Variants in TESMIN observed in about 807,000 individuals in gnomAD.
TESMIN encodes testis expressed metallothionein like protein.
TESMIN carries 34 observed loss-of-function variants against 47.4 expected under a neutral mutation model. That is an observed-to-expected ratio of 0.72 (90% CI 0.55 to 0.96). TESMIN has a LOEUF of 0.96. TESMIN is among the 40% of genes least tolerant of loss of function. TESMIN has a pLI of 0.00. For synonymous variants in TESMIN, 278 were observed against 258.9 expected (o/e 1.07, Z -0.71); for missense variants, 610 against 637.2 (o/e 0.96, Z 0.46).
At position 68,750,687 on chromosome 11, in the gene TESMIN, G is replaced by T; in HGVS notation, c.-27C>A. The stretch of plus-strand genomic sequence containing the variant: ...GCGCAGGGCGGCGGGGCGGGATGGC[G>T]GGGGCCGCGCACCTGCAACACGCGG... On this transcript the variant is annotated 5_prime_UTR_variant, in exon 2 of 10. Coordinates refer to ENST00000255087, the MANE Select transcript of TESMIN (RefSeq NM_004923.3). 1 of 1,441,052 alleles carries T rather than the reference G, an allele frequency of 6.9e-7. No homozygotes were observed. Among genetic ancestry groups the T allele is most frequent in the Non-Finnish European group, 9.2e-7 (1 of 1,091,624 alleles). The allele number at this position is 1,441,052 out of a possible 1,614,324, so 89.3% of individuals were successfully genotyped here.
chr11:68,713,988 C>T (rs554151923), intron 7 of TESMIN, among the ~76,000 whole-genome samples: 34 of 152,300 alleles, frequency 2.2e-4, no homozygotes, highest in Non-Finnish European at 4.0e-4. Flanking sequence ...AGGTCTCAAC[C>T]GCTGGGCCAT....
intron 2 of TESMIN, among the ~76,000 whole-genome samples, chr11:68,749,198 T>C (rs1025181902): frequency 2.6e-5 from 4 of 152,218 alleles, no homozygotes; most frequent in South Asian, 2.1e-4. Flanking sequence ...CTGGGGGAAC[T>C]GGTGAGCTCT....
chr11:68,721,957 A>G (rs1308524290), intron 6 of TESMIN, among the ~76,000 whole-genome samples: 13 of 152,212 alleles, frequency 8.5e-5, no homozygotes, highest in Non-Finnish European at 1.5e-5. Context: ...ATGATCCAGC[A>G]ATTCCACTTC....
rs550622152 is a variant in TESMIN, at chr11:68,747,556, G to A, written c.472-190C>T. Among the ~76,000 whole-genome samples the A allele has an allele frequency of 1.5e-3, 230 of 152,268 alleles. 1 individual carries two copies. The highest frequency in any genetic ancestry group is 2.4e-3 in the Non-Finnish European group (163 of 68,022). On this transcript the variant is annotated intron_variant, in intron 2 of 9. Coordinates refer to ENST00000255087, the MANE Select transcript of TESMIN (RefSeq NM_004923.3). ...GGAGAACTGCTTGAACCTGGGAGGC[G>A]GAGGTTGCTGTGAGCTGAGACAGTG...
At chr11:68,710,738 G>T in intron 9 of TESMIN, 136 bp downstream of exon 9, 2 of 816,172 alleles carry the variant, frequency 2.5e-6, no homozygotes, top group Non-Finnish European at 3.7e-6. Context: ...AGGGAGGAAC[G>T]ACTTCCCTCT....
chr11:68,750,396 C>A lies in TESMIN; in HGVS notation c.265G>T (p.Asp89Tyr). The A allele has an allele frequency of 6.6e-7, 1 of 1,516,602 alleles. No homozygotes were observed. Among genetic ancestry groups the A allele is most frequent in the Non-Finnish European group, 8.9e-7 (1 of 1,127,850 alleles). The allele number at this position is 1,516,602 out of a possible 1,614,324, so 93.9% of individuals were successfully genotyped here. A position where few individuals can be genotyped will look rare whatever the true frequency, so the allele number is the denominator to read the frequency against. ...VKAKLAGGDS[D>Y]GGELLGEYPG... ...TACTCCCCGAGGAGCTCCCCGCCGT[C>A]GCTGTCGCCCCCCGCGAGCTTCGCC... Residue 89 changes from aspartate to tyrosine, a missense_variant, in exon 2 of 10, where the codon GAC becomes TAC. Physicochemically the swap from Asp to Tyr is radical, Grantham distance 160. Transcript: ENST00000255087.
chr11:68,746,354 G>C (rs184240733), intron 3 of TESMIN, among the ~76,000 whole-genome samples: 1 of 152,026 alleles, frequency 6.6e-6, no homozygotes, highest in African/African-American at 2.4e-5. Context: ...CTGCTTTTAG[G>C]GTCCTAGAAA....
chr11:68,708,009 G>C lies in TESMIN; in HGVS notation c.*299C>G, dbSNP rs1946016537. On this transcript the variant is annotated 3_prime_UTR_variant, in exon 10 of 10. Coordinates refer to ENST00000255087, the MANE Select transcript of TESMIN (RefSeq NM_004923.3). ...CCCCGCTCTGCCCTTCGCAGGGCCTGCTGTGCCCTCCCCTGCCCTGCTCTG... is the reference window on the plus strand; with the variant it reads ...CCCCGCTCTGCCCTTCGCAGGGCCTCCTGTGCCCTCCCCTGCCCTGCTCTG... 2.2e-6 allele frequency: 1 copy of C among 450,586 alleles called. No homozygotes were observed. Among genetic ancestry groups the C allele is most frequent in the Non-Finnish European group, 4.2e-6 (1 of 237,192 alleles). 27.9% of individuals were successfully genotyped at this position (450,586 alleles called of 1,614,324 possible). A position where few individuals can be genotyped will look rare whatever the true frequency, so the allele number is the denominator to read the frequency against.
At chr11:68,722,550 G>A (rs999711271) in intron 6 of TESMIN, among the ~76,000 whole-genome samples, 1 of 151,816 alleles carries the variant, frequency 6.6e-6, no homozygotes, top group African/African-American at 2.4e-5. Context: ...TTACAAATAA[G>A]TCCCTATGTG....
intron 4 of TESMIN, 99 bp downstream of exon 4, chr11:68,744,892 A>T: frequency 9.8e-7 from 1 of 1,024,628 alleles, no homozygotes; most frequent in Non-Finnish European, 1.4e-6. Flanking sequence ...TTTCCTATTT[A>T]ATATCCTGGT....
Position 68,744,592 on chromosome 11 carries a change from C to T in TESMIN, c.751+399G>A, listed in dbSNP as rs558009626. On this transcript the variant is annotated intron_variant, in intron 4 of 9. Transcript: ENST00000255087. ...CTCATTGATTACACTGAAATGTTTACATTAAAATGTAGGTGTTTACACCAC... is the reference window on the plus strand; with the variant it reads ...CTCATTGATTACACTGAAATGTTTATATTAAAATGTAGGTGTTTACACCAC... Among the ~76,000 whole-genome samples, 4 of 152,354 alleles carry T rather than the reference C, an allele frequency of 2.6e-5. No individual in the cohort carries two copies. The South Asian group carries it at 8.3e-4, about 32-fold the overall frequency.
Position 68,713,383 on chromosome 11 carries a change from C to T in TESMIN, c.1045G>A (p.Ala349Thr), listed in dbSNP as rs1210736355. The T allele has an allele frequency of 1.9e-6, 3 of 1,614,146 alleles. No individual in the cohort carries two copies. Among genetic ancestry groups the T allele is most frequent in the Admixed American group, 1.7e-5 (1 of 60,020 alleles). ...CCCTTCCCAATTTTTGGCTGGAAAG[C>T]TTCTGGATTTCTACCAAGACATGCC... Reference protein sequence around the residue: ...IKACLGRNPEAFQPKIGKGQL... With the variant: ...IKACLGRNPETFQPKIGKGQL... Residue 349 changes from alanine to threonine, a missense_variant, in exon 8 of 10, where the codon GCT becomes ACT. By Grantham distance (58) the Ala-to-Thr change is moderately conservative. Coordinates refer to ENST00000255087, the MANE Select transcript of TESMIN (RefSeq NM_004923.3).
intron 4 of TESMIN, 85 bp from the exon 5 acceptor site, chr11:68,742,479 A>G (rs1371164918): frequency 1.2e-6 from 1 of 810,980 alleles, no homozygotes; most frequent in East Asian, 2.6e-5. Context: ...AAAGTCTGTT[A>G]TGGACATGTC....
chr11:68,738,214 A>G (rs1173315607), intron 6 of TESMIN: 33 of 987,476 alleles, frequency 3.3e-5, no homozygotes, highest in Non-Finnish European at 3.8e-5. Context: ...CCACCTGGAG[A>G]TGTGAAGACA....
intron 6 of TESMIN, among the ~76,000 whole-genome samples, chr11:68,722,568 TCAGA>T (rs1346125651): frequency 2.0e-5 from 3 of 151,898 alleles, no homozygotes; most frequent in African/African-American, 7.3e-5. Context: ...GTGTCAATAA[TCAGA>T]CAAAGAATGC....
At chr11:68,749,698 G>GA (rs1160019489) in intron 2 of TESMIN, among the ~76,000 whole-genome samples, 6 of 152,052 alleles carry the variant, frequency 3.9e-5, no homozygotes, top group Admixed American at 1.3e-4. Context: ...TCAAGGCCCG[G>GA]AAAATCCAAG....
At chr11:68,742,243 T>G in intron 5 of TESMIN, 75 bp downstream of exon 5, 1 of 899,608 alleles carries the variant, frequency 1.1e-6, no homozygotes, top group Non-Finnish European at 1.7e-6. Flanking sequence ...TCCTGAGTAA[T>G]TCCAACCATA....
chr11:68,732,890 G>C (rs1163400964), intron 6 of TESMIN: 1 of 152,220 alleles, frequency 6.6e-6, no homozygotes, highest in East Asian at 1.9e-4. Context: ...CATCACTGGG[G>C]CTCTCAGTGA....
chr11:68,730,774 C>T (rs1411089539), intron 6 of TESMIN, among the ~76,000 whole-genome samples: 2 of 148,412 alleles, frequency 1.3e-5, no homozygotes, highest in South Asian at 2.1e-4. Flanking sequence ...CAGCCTGGGC[C>T]GACAACAGCC....
Sources: gnomAD v4.1 joint callset for allele counts (sites outside exome capture counted in the v4.1 genomes callset) on GRCh38, gnomAD v4.1.1 for gene constraint, MANE v1.5 for transcripts, NCBI Gene and HGNC (gene_info 2026-07-23, HGNC 2026-07-21) for gene names.